OSBPL10: variants seen among roughly 807,000 people sequenced by gnomAD.
OSBPL10 encodes oxysterol-binding protein-related protein 10.
Under a neutral mutation model 81.7 loss-of-function variants are expected in OSBPL10, and 49 were observed. The observed-to-expected ratio is 0.60, with a 90% CI of 0.48 to 0.76. OSBPL10 has a LOEUF of 0.76. Ranked by LOEUF, OSBPL10 falls within the 30% of genes least tolerant of loss-of-function variation. OSBPL10 has a pLI of 0.00. For synonymous variants in OSBPL10, 419 were observed against 383.6 expected (o/e 1.09, Z -1.08); for missense variants, 923 against 987.8 (o/e 0.93, Z 0.88).
chr3:32,031,530 T>C (rs1396407489), intron 2 of OSBPL10, among the ~76,000 whole-genome samples: 1 of 152,070 alleles, frequency 6.6e-6, no homozygotes, highest in Non-Finnish European at 1.5e-5. Context: ...GGCGTGATCT[T>C]GGCTCACTGC....
intron 4 of OSBPL10, among the ~76,000 whole-genome samples, chr3:31,805,547 A>T (rs1345945622): frequency 6.6e-6 from 1 of 152,224 alleles, no homozygotes; most frequent in Non-Finnish European, 1.5e-5. Context: ...TGACTAGTAA[A>T]TGGGTTTTCT....
chr3:31,662,037 AG>A lies in OSBPL10; in HGVS notation c.*34del. ...ACTACTTTAATATTCCTACAAAAAC[AG>A]GGCTATACTGGAAAGCTCTGCACCT... is the stretch of plus-strand genomic sequence containing the variant. On this transcript the variant is annotated 3_prime_UTR_variant, in exon 12 of 12. Coordinates refer to ENST00000396556, the MANE Select transcript of OSBPL10 (RefSeq NM_017784.5). 1 of 1,608,082 alleles carries A rather than the reference AG, an allele frequency of 6.2e-7. No individual in the cohort carries two copies. The highest frequency in any genetic ancestry group is 1.1e-5 in the South Asian group (1 of 89,766).
At chr3:31,689,407 T>C (rs1360341167) in intron 7 of OSBPL10, among the ~76,000 whole-genome samples, 1 of 152,232 alleles carries the variant, frequency 6.6e-6, no homozygotes, top group Non-Finnish European at 1.5e-5. Flanking sequence ...TTTCCCAATG[T>C]GACACATGTA....
intron 1 of OSBPL10, among the ~76,000 whole-genome samples, chr3:31,954,755 A>C (rs1697960449): frequency 6.6e-6 from 1 of 152,218 alleles, no homozygotes; most frequent in East Asian, 1.9e-4. Context: ...TCATTGTGAA[A>C]TTTTACATCA....
intron 3 of OSBPL10, among the ~76,000 whole-genome samples, chr3:31,871,590 G>A (rs1273432751): frequency 1.3e-5 from 2 of 152,234 alleles, no homozygotes; most frequent in Non-Finnish European, 2.9e-5. Flanking sequence ...ACTACAAGAA[G>A]CCAGGCTCAG....
intron 4 of OSBPL10, among the ~76,000 whole-genome samples, chr3:31,778,613 A>G (rs1479373495): frequency 1.3e-5 from 2 of 152,178 alleles, no homozygotes; most frequent in African/African-American, 4.8e-5. Context: ...ACAAAAATCT[A>G]AACATTTGGA....
chr3:31,991,518 G>A (rs528469118), intron 2 of OSBPL10: 2 of 166,770 alleles, frequency 1.2e-5, no homozygotes, highest in African/African-American at 4.8e-5. Context: ...CTAGCAAATG[G>A]AAGTGTTTTC....
At chr3:31,951,257 G>T (rs148090628) in intron 1 of OSBPL10, among the ~76,000 whole-genome samples, 4 of 151,452 alleles carry the variant, frequency 2.6e-5, no homozygotes, top group Non-Finnish European at 5.9e-5. Flanking sequence ...AATCAATTTT[G>T]GAAACAAAAC....
At chr3:31,755,650 T>A (rs1387714519) in intron 4 of OSBPL10, among the ~76,000 whole-genome samples, 1 of 152,218 alleles carries the variant, frequency 6.6e-6, no homozygotes, top group East Asian at 1.9e-4. Context: ...TTTGACACTT[T>A]ATCATGTGAG....
At chr3:31,995,182 T>C (rs888163403) in intron 2 of OSBPL10, among the ~76,000 whole-genome samples, 1 of 152,016 alleles carries the variant, frequency 6.6e-6, no homozygotes, top group African/African-American at 2.4e-5. Flanking sequence ...AAAACAGAGT[T>C]TGAGAGCAGA....
intron 1 of OSBPL10, among the ~76,000 whole-genome samples, chr3:31,946,138 G>GCCCGGCTA (rs1259105330): frequency 1.3e-5 from 2 of 151,936 alleles, no homozygotes; most frequent in Admixed American, 6.6e-5. Flanking sequence ...GTGCCACCAT[G>GCCCGGCTA]CCCGGCTAAT....
In OSBPL10 at chr3:31,740,857, T is replaced by TTATATATATATATATATATATA. The variant is rs145097507; in HGVS notation, c.940+7052_940+7053insTATATATATATATATATATATA. ...AACTTAATATGACCACTACTAGAAT[T>TTATATATATATATATATATATA]TATATATATATGTCATATTTCTTCC... On this transcript the variant is annotated intron_variant, in intron 5 of 11. Coordinates refer to ENST00000396556, the MANE Select transcript of OSBPL10 (RefSeq NM_017784.5). Among the ~76,000 whole-genome samples the TTATATATATATATATATATATA allele has an allele frequency of 4.5e-3, 616 of 136,362 alleles. 17 individuals carry two copies. Among genetic ancestry groups the TTATATATATATATATATATATA allele is most frequent in the African/African-American group, 9.5e-3 (284 of 29,776 alleles). 89.5% of individuals were successfully genotyped at this position (136,362 alleles called of 152,430 possible).
At position 31,876,509 on chromosome 3, in the gene OSBPL10, G is replaced by A; in HGVS notation, c.461C>T (p.Ala154Val). 4 of 1,611,552 alleles carry A rather than the reference G, an allele frequency of 2.5e-6. No homozygotes were observed. The highest frequency in any genetic ancestry group is 3.4e-6 in the Non-Finnish European group (4 of 1,177,664). ...CCAGAATTGTTTCTCTTTTGCATCAGCAGCTAAAATAGAGAAAACAGAGAA... is the reference window on the plus strand; with the variant it reads ...CCAGAATTGTTTCTCTTTTGCATCAACAGCTAAAATAGAGAAAACAGAGAA... ...ANGEMFKLRAADAKEKQFWVT... is the reference protein window; with the variant it reads ...ANGEMFKLRAVDAKEKQFWVT... Residue 154 changes from alanine (A) to valine (V), a missense_variant, in exon 3 of 12, where the codon GCT becomes GTT. Ala to Val is a moderately conservative substitution (Grantham distance 64). This residue lies in a region of OSBPL10 where 514 missense variants were observed against 508.0 expected (regional missense o/e 1.01). Coordinates refer to ENST00000396556, the MANE Select transcript of OSBPL10 (RefSeq NM_017784.5).
At chr3:31,694,213 A>G (rs886076123) in intron 7 of OSBPL10, among the ~76,000 whole-genome samples, 4 of 152,078 alleles carry the variant, frequency 2.6e-5, no homozygotes, top group Non-Finnish European at 5.9e-5. Context: ...TCTACTAAAA[A>G]TACAAAAATT....
chr3:31,743,489 T>C (rs1468937121), intron 5 of OSBPL10, among the ~76,000 whole-genome samples: 1 of 152,192 alleles, frequency 6.6e-6, no homozygotes, highest in Non-Finnish European at 1.5e-5. Flanking sequence ...ACTGAAGTAT[T>C]CTCAGATTTC....
At chr3:31,741,372 C>T (rs1011344058) in intron 5 of OSBPL10, among the ~76,000 whole-genome samples, 2 of 152,244 alleles carry the variant, frequency 1.3e-5, no homozygotes, top group African/African-American at 2.4e-5. Context: ...TCAAGTGATT[C>T]TCCTGCCTCA....
chr3:31,897,862 G>T (rs1485593109), intron 1 of OSBPL10, among the ~76,000 whole-genome samples: 2 of 151,898 alleles, frequency 1.3e-5, no homozygotes. Flanking sequence ...ACAAAAATTA[G>T]CTGGGCGTGG....
At chr3:32,000,197 C>T (rs1194930066) in intron 2 of OSBPL10, among the ~76,000 whole-genome samples, 1 of 152,154 alleles carries the variant, frequency 6.6e-6, no homozygotes, top group East Asian at 1.9e-4. Context: ...GTATAAAGCC[C>T]TGCTCTCGCC....
intron 3 of OSBPL10, among the ~76,000 whole-genome samples, chr3:31,851,329 G>T (rs895389953): frequency 4.6e-5 from 7 of 152,178 alleles, no homozygotes; most frequent in Non-Finnish European, 8.8e-5. Flanking sequence ...GTGAAGGAGA[G>T]CTGAAGAGTA....
Sources: gnomAD v4.1 joint callset for allele counts (sites outside exome capture counted in the v4.1 genomes callset) on GRCh38, gnomAD v4.1.1 for gene constraint, gnomAD v4.1.1 regional missense constraint, MANE v1.5 for transcripts, NCBI Gene and HGNC (gene_info 2026-07-23, HGNC 2026-07-21) for gene names.